The following AMMECR1 variants were observed in gnomAD, a reference collection of about 807,000 sequenced individuals.
AMMECR1 encodes nuclear protein AMMECR1.
Under a neutral mutation model 22.5 loss-of-function variants are expected in AMMECR1, and 3 were observed. The ratio of observed to expected loss-of-function variants is 0.13; its 90% CI spans 0.06 to 0.35. AMMECR1 has a LOEUF of 0.35. Among genes scored for constraint, AMMECR1 ranks in the 10% least tolerant of loss-of-function variants. The pLI is 1.00. For synonymous variants in AMMECR1, 130 were observed against 116.7 expected (o/e 1.11, Z -0.74); for missense variants, 235 against 278.7 (o/e 0.84, Z 1.12).
At chrX:110,307,896 G>T in intron 1 of AMMECR1, among the ~76,000 whole-genome samples, 1 of 86,612 alleles carries the variant, frequency 1.2e-5, no homozygotes. Flanking sequence ...TTGAGACATG[G>T]TCTGACTCTG....
chrX:110,283,695 C>T (rs147705997), intron 1 of AMMECR1, among the ~76,000 whole-genome samples: 1,624 of 112,259 alleles, frequency 0.014, 14 homozygotes, highest in Non-Finnish European at 0.023. Context: ...AACCCCACCT[C>T]CTAATAGCAT....
At chrX:110,290,356 C>CGATATT (rs1315867722) in intron 1 of AMMECR1, among the ~76,000 whole-genome samples, 1 of 111,247 alleles carries the variant, frequency 9.0e-6, no homozygotes, top group Non-Finnish European at 1.9e-5. Flanking sequence ...CATAACCACC[C>CGATATT]GATATTGATC....
At chrX:110,209,241 T>C (rs1218714605) in intron 3 of AMMECR1, among the ~76,000 whole-genome samples, 1 of 112,259 alleles carries the variant, frequency 8.9e-6, no homozygotes, top group Non-Finnish European at 1.9e-5. Flanking sequence ...CAGTTTAACT[T>C]AGTCTACAAA....
chrX:110,216,913 C>G (rs1365524357), intron 2 of AMMECR1, among the ~76,000 whole-genome samples: 2 of 110,786 alleles, frequency 1.8e-5, no homozygotes, highest in African/African-American at 6.6e-5. Context: ...TGATGTCTTT[C>G]CCTGCTACTT....
At chrX:110,292,526 A>G (rs1329584687) in intron 1 of AMMECR1, among the ~76,000 whole-genome samples, 5 of 112,395 alleles carry the variant, frequency 4.4e-5, no homozygotes. Context: ...AATATTACTC[A>G]GCACTAAAAA....
At chrX:110,276,066 CT>C (rs1351709409) in intron 1 of AMMECR1, among the ~76,000 whole-genome samples, 1 of 110,621 alleles carries the variant, frequency 9.0e-6, no homozygotes, top group Non-Finnish European at 1.9e-5. Context: ...TTCACTGAGG[CT>C]TTTTTCCTTC....
chrX:110,316,925 G>A (rs1231618411), intron 1 of AMMECR1, among the ~76,000 whole-genome samples: 1 of 109,095 alleles, frequency 9.2e-6, no homozygotes, highest in African/African-American at 3.3e-5. Flanking sequence ...AAAAAAGGTC[G>A]CACTCTTCAA....
chrX:110,334,259 G>C, intron 2 of AMMECR1, among the ~76,000 whole-genome samples: 1 of 111,476 alleles, frequency 9.0e-6, no homozygotes, highest in Non-Finnish European at 1.9e-5. Flanking sequence ...TTTGCACCCT[G>C]GTGTGTGGAC....
At chrX:110,295,647 C>T (rs1488325009) in intron 1 of AMMECR1, among the ~76,000 whole-genome samples, 4 of 111,880 alleles carry the variant, frequency 3.6e-5, no homozygotes, top group Non-Finnish European at 7.5e-5. Flanking sequence ...CAGAATCTAA[C>T]CTGCATGCCA....
intron 3 of AMMECR1, among the ~76,000 whole-genome samples, chrX:110,203,273 TA>T (rs1215257057): frequency 7.0e-4 from 78 of 111,981 alleles, no homozygotes; most frequent in Middle Eastern, 4.6e-3. Context: ...GAGACCACTG[TA>T]ACTTTTTAAT....
chrX:110,202,161 G>A (rs998046253), intron 4 of AMMECR1, among the ~76,000 whole-genome samples: 2 of 111,841 alleles, frequency 1.8e-5, no homozygotes, highest in Admixed American at 9.5e-5. Flanking sequence ...ATTTCAAATC[G>A]GTAGCAAATT....
chrX:110,386,446 GA>G (rs1185422392), intron 2 of AMMECR1, among the ~76,000 whole-genome samples: 1 of 110,793 alleles, frequency 9.0e-6, no homozygotes, highest in Non-Finnish European at 1.9e-5. Flanking sequence ...TAATGAGGTT[GA>G]GTATCTTTTC....
At chrX:110,304,431 C>G (rs971749680) in intron 1 of AMMECR1, among the ~76,000 whole-genome samples, 6 of 112,140 alleles carry the variant, frequency 5.4e-5, no homozygotes, top group Non-Finnish European at 1.1e-4. Flanking sequence ...AACTTTGTAG[C>G]TAGACAATTT....
intron 1 of AMMECR1, among the ~76,000 whole-genome samples, chrX:110,279,007 T>C (rs960965015): frequency 8.9e-6 from 1 of 112,264 alleles, no homozygotes; most frequent in African/African-American, 3.2e-5. Flanking sequence ...CCAGAATTTC[T>C]ACATAGCTGT....
chrX:110,388,492 C>T (rs754540811), intron 2 of AMMECR1, among the ~76,000 whole-genome samples: 10 of 111,570 alleles, frequency 9.0e-5, no homozygotes, highest in Admixed American at 4.7e-4. Context: ...AGGCACATGG[C>T]GCTAGGATGT....
Position 110,272,274 on chromosome X carries a change from C to T in AMMECR1, c.474-7675G>A, listed in dbSNP as rs185564297. 2.7e-5 allele frequency among the ~76,000 whole-genome samples: 3 copies of T among 110,820 alleles called. No individual in the cohort carries two copies. In the East Asian group the frequency reaches 8.4e-4, roughly 31 times the overall value. ...AAACAAATCAGGCAAAAAAGAGCTT[C>T]TATTGAAGTCTTCCGATTCCTAAGC... On this transcript the variant is annotated intron_variant, in intron 1 of 5. Transcript: ENST00000262844.
intron 1 of AMMECR1, among the ~76,000 whole-genome samples, chrX:110,268,661 G>A (rs2067782421): frequency 1.8e-5 from 2 of 111,355 alleles, no homozygotes; most frequent in Admixed American, 9.5e-5. Context: ...TTTTCTTCAC[G>A]CAACACAGAG....
At chrX:110,221,996 T>A (rs1210208308) in intron 2 of AMMECR1, among the ~76,000 whole-genome samples, 3 of 110,006 alleles carry the variant, frequency 2.7e-5, no homozygotes, top group African/African-American at 9.9e-5. Context: ...ACACTGTTGG[T>A]GGGACTGTAA....
chrX:110,321,905 G>A (rs906005028), upstream of AMMECR1, among the ~76,000 whole-genome samples: 3 of 112,468 alleles, frequency 2.7e-5, no homozygotes, highest in Non-Finnish European at 5.6e-5. Context: ...TGTGGTGGAG[G>A]TGGTAATCAG....
Sources: gnomAD v4.1 joint callset for allele counts (sites outside exome capture counted in the v4.1 genomes callset) on GRCh38, gnomAD v4.1.1 for gene constraint, MANE v1.5 for transcripts, NCBI Gene and HGNC (gene_info 2026-07-23, HGNC 2026-07-21) for gene names.